The following FOXP1 variants were observed in gnomAD, a reference collection of about 807,000 sequenced individuals.
The protein encoded by FOXP1 is forkhead box P1.
Under a neutral mutation model 98.2 loss-of-function variants are expected in FOXP1, and 15 were observed. The observed-to-expected ratio is 0.15, with a 90% CI of 0.10 to 0.24. The LOEUF (loss-of-function observed/expected upper bound fraction) is 0.24. FOXP1 is among the 10% of genes least tolerant of loss of function. The probability of loss-of-function intolerance (pLI) is 1.00; values close to 1 mark genes in which losing one functional copy is unlikely to be tolerated. For missense variants in FOXP1, 633 were observed against 848.5 expected (o/e 0.75, Z 3.15); for synonymous variants, 371 against 314.5 (o/e 1.18, Z -1.90).
intron 11 of FOXP1, among the ~76,000 whole-genome samples, chr3:71,030,375 C>T (rs953195415): frequency 2.0e-4 from 31 of 152,198 alleles, no homozygotes; most frequent in African/African-American, 7.5e-4. Flanking sequence ...TTCTTATTCA[C>T]GTTTGTTCCA....
At chr3:71,034,660 T>A (rs1418992105) in intron 11 of FOXP1, among the ~76,000 whole-genome samples, 4 of 152,200 alleles carry the variant, frequency 2.6e-5, no homozygotes. Context: ...GTTAGCTGCA[T>A]TCTCATCACC....
intron 2 of FOXP1, among the ~76,000 whole-genome samples, chr3:71,537,547 T>C (rs114495005): frequency 0.024 from 3,699 of 152,332 alleles, 57 homozygotes; most frequent in Middle Eastern, 0.054. Flanking sequence ...CTGCCTTGAC[T>C]GACCCAGATG....
chr3:71,077,252 C>T (rs1240495836), intron 7 of FOXP1, among the ~76,000 whole-genome samples: 1 of 152,200 alleles, frequency 6.6e-6, no homozygotes, highest in Non-Finnish European at 1.5e-5. Context: ...TCACATGTCA[C>T]TCCCATTCTG....
intron 3 of FOXP1, among the ~76,000 whole-genome samples, chr3:71,423,795 C>T (rs1215944297): frequency 2.6e-5 from 4 of 152,304 alleles, no homozygotes; most frequent in African/African-American, 4.8e-5. Context: ...CCCGCCGCCC[C>T]GCCCATTCTA....
chr3:71,209,561 C>T (rs2064300316), intron 5 of FOXP1, among the ~76,000 whole-genome samples: 1 of 152,096 alleles, frequency 6.6e-6, no homozygotes, highest in South Asian at 2.1e-4. Context: ...AGTTGATGTC[C>T]CATGTAACCA....
At chr3:71,330,655 T>C (rs4677602) in intron 4 of FOXP1, among the ~76,000 whole-genome samples, 91,380 of 152,066 alleles carry the variant, frequency 0.6, 28,967 homozygotes, top group East Asian at 0.9. Context: ...CCAATAATAG[T>C]AGATTGCCTT....
chr3:71,007,444 A>C (rs2042948600), intron 12 of FOXP1, among the ~76,000 whole-genome samples: 1 of 152,202 alleles, frequency 6.6e-6, no homozygotes, highest in Non-Finnish European at 1.5e-5. Flanking sequence ...AATTTATGAT[A>C]TCCGGCCTCC....
At chr3:71,211,827 T>A (rs190647483) in intron 5 of FOXP1, among the ~76,000 whole-genome samples, 1 of 152,334 alleles carries the variant, frequency 6.6e-6, no homozygotes, top group Non-Finnish European at 1.5e-5. Flanking sequence ...TCTGTCTTCA[T>A]TATTTTCACC....
intron 6 of FOXP1, among the ~76,000 whole-genome samples, chr3:71,174,331 G>A (rs981899101): frequency 6.6e-6 from 1 of 152,138 alleles, no homozygotes; most frequent in Non-Finnish European, 1.5e-5. Flanking sequence ...CCAGCTACTG[G>A]GGAGGGTGAG....
At chr3:71,139,890 T>C (rs2059987408) in intron 6 of FOXP1, among the ~76,000 whole-genome samples, 1 of 152,192 alleles carries the variant, frequency 6.6e-6, no homozygotes, top group Non-Finnish European at 1.5e-5. Flanking sequence ...AATAAAATGC[T>C]AACTGGAGTT....
At chr3:71,317,792 T>G (rs889596787) in intron 4 of FOXP1, among the ~76,000 whole-genome samples, 1 of 152,060 alleles carries the variant, frequency 6.6e-6, no homozygotes, top group Non-Finnish European at 1.5e-5. Context: ...GAACATATGT[T>G]CCTGAGGAAG....
Position 71,052,385 on chromosome 3 carries a change from T to C in FOXP1, c.510+152A>G, listed in dbSNP as rs998473763. ...CAAATGGAACCCAGAAAAATCTGAGTGAAAACAGGACAATAATTCTCAGTC... is the reference window on the plus strand; with the variant it reads ...CAAATGGAACCCAGAAAAATCTGAGCGAAAACAGGACAATAATTCTCAGTC... On this transcript the variant is annotated intron_variant, in intron 9 of 20. Transcript: ENST00000649528. 14 of 680,510 alleles carry C rather than the reference T, an allele frequency of 2.1e-5. No homozygotes were observed. In the South Asian group the frequency reaches 2.2e-4, roughly 11 times the overall value. The allele number at this position is 680,510 out of a possible 1,614,324, so 42.2% of individuals were successfully genotyped here. A position where few individuals can be genotyped will look rare whatever the true frequency, so the allele number is the denominator to read the frequency against.
intron 12 of FOXP1, among the ~76,000 whole-genome samples, chr3:71,010,527 T>G (rs947655878): frequency 1.3e-5 from 2 of 152,166 alleles, no homozygotes; most frequent in African/African-American, 4.8e-5. Context: ...AAACTATTAC[T>G]AGGGGAGTGT....
chr3:70,977,493 TTA>T, intron 16 of FOXP1, 148 bp downstream of exon 16: 1 of 658,866 alleles, frequency 1.5e-6, no homozygotes, highest in Admixed American at 2.5e-5. Flanking sequence ...TCAAAAGCAA[TTA>T]TGTTATATAT....
At chr3:71,004,608 C>T (rs1208678271) in intron 12 of FOXP1, among the ~76,000 whole-genome samples, 6 of 152,028 alleles carry the variant, frequency 3.9e-5, no homozygotes, top group African/African-American at 9.7e-5. Flanking sequence ...AAATACTTAA[C>T]GTTGTGCACA....
intron 6 of FOXP1, among the ~76,000 whole-genome samples, chr3:71,143,389 T>C (rs568194109): frequency 6.6e-6 from 1 of 152,306 alleles, no homozygotes; most frequent in African/African-American, 2.4e-5. Flanking sequence ...ATGAGGTCCC[T>C]GGTGAGGAAA....
intron 6 of FOXP1, among the ~76,000 whole-genome samples, chr3:71,177,238 G>T (rs542021260): frequency 3.3e-5 from 5 of 152,294 alleles, no homozygotes; most frequent in African/African-American, 1.2e-4. Flanking sequence ...GAAATGAAAT[G>T]AAACCAACCT....
chr3:71,552,939 C>T (rs1401095385), intron 2 of FOXP1, among the ~76,000 whole-genome samples: 4 of 151,970 alleles, frequency 2.6e-5, no homozygotes, highest in African/African-American at 9.7e-5. Context: ...TACCACATCA[C>T]CAGTAAGTTT....
intron 11 of FOXP1, among the ~76,000 whole-genome samples, chr3:71,034,246 T>C (rs1384084410): frequency 6.6e-6 from 1 of 152,160 alleles, no homozygotes; most frequent in African/African-American, 2.4e-5. Context: ...CAGTGGAGGC[T>C]ACCATCTGGA....
Sources: allele counts gnomAD v4.1 joint callset (sites outside exome capture counted in the v4.1 genomes callset), GRCh38; gene constraint gnomAD v4.1.1; transcripts MANE v1.5; gene names NCBI Gene and HGNC (gene_info 2026-07-23, HGNC 2026-07-21).